Variants in EPHA7 observed in about 807,000 individuals in gnomAD.
EPHA7 encodes the protein EPH receptor A7.
EPHA7 carries 25 observed loss-of-function variants against 112.6 expected under a neutral mutation model. The observed-to-expected ratio is 0.22, with a 90% confidence interval of 0.16 to 0.31. The LOEUF is 0.31. Ranked by LOEUF, EPHA7 falls within the 10% of genes least tolerant of loss-of-function variation. The probability of loss-of-function intolerance (pLI) is 1.00; values close to 1 mark genes in which losing one functional copy is unlikely to be tolerated. For synonymous variants in EPHA7, 437 were observed against 406.5 expected (o/e 1.07, Z -0.90); for missense variants, 962 against 1,212.6 (o/e 0.79, Z 3.07).
chr6:93,418,308 C>T (rs1779346461), intron 1 of EPHA7, among the ~76,000 whole-genome samples: 1 of 152,164 alleles, frequency 6.6e-6, no homozygotes, highest in Non-Finnish European at 1.5e-5. Context: ...AGAAGGAAAA[C>T]ATAACCATAT....
rs373500625 is a variant in EPHA7, at chr6:93,417,073, G to C, written c.97+2172C>G. 3.0e-4 allele frequency among the ~76,000 whole-genome samples: 45 copies of C among 152,284 alleles called. No homozygotes were observed. In the East Asian group the frequency reaches 8.5e-3, roughly 29 times the overall value. ...GCATCTCCTCTGAGGAAGAGGCGGC[G>C]GCGGCGGCGGCATTTACGGAGAGAA... On this transcript the variant is annotated intron_variant, in intron 1 of 16. Coordinates refer to ENST00000369303, the MANE Select transcript of EPHA7 (RefSeq NM_004440.4).
At chr6:93,260,834 GAA>G in intron 9 of EPHA7, 1 of 721,270 alleles carries the variant, frequency 1.4e-6, no homozygotes, top group Non-Finnish European at 1.7e-6. Flanking sequence ...GATAGAAGGA[GAA>G]AAGAGAGAAG....
intron 3 of EPHA7, among the ~76,000 whole-genome samples, chr6:93,386,797 T>C (rs1236984901): frequency 2.0e-5 from 3 of 152,128 alleles, no homozygotes; most frequent in East Asian, 3.9e-4. Flanking sequence ...CACATGGAAG[T>C]TGCCAAGGCT....
At chr6:93,351,348 G>A (rs1775684561) in intron 5 of EPHA7, among the ~76,000 whole-genome samples, 1 of 151,848 alleles carries the variant, frequency 6.6e-6, no homozygotes, top group South Asian at 2.1e-4. Context: ...TCTCTCTGAT[G>A]GTGTTGATCC....
intron 5 of EPHA7, among the ~76,000 whole-genome samples, chr6:93,285,385 TC>T (rs1772011697): frequency 6.6e-6 from 1 of 152,196 alleles, no homozygotes; most frequent in African/African-American, 2.4e-5. Context: ...TAAGTTTGGC[TC>T]CAAAAGTTAA....
chr6:93,277,223 G>A (rs372716681), intron 5 of EPHA7, among the ~76,000 whole-genome samples: 17 of 151,912 alleles, frequency 1.1e-4, no homozygotes, highest in African/African-American at 4.1e-4. Context: ...ACAACTTTTA[G>A]CTTTCTCACT....
At position 93,241,992 on chromosome 6, in the gene EPHA7, T is replaced by C. The variant is rs1270939150; in HGVS notation, c.*1434A>G. The C allele has an allele frequency of 9.4e-6, 2 of 211,906 alleles. No homozygotes were observed. The highest frequency in any genetic ancestry group is 4.5e-5 in the African/African-American group (2 of 44,144). 13.1% of individuals were successfully genotyped at this position (211,906 alleles called of 1,614,324 possible). A position where few individuals can be genotyped will look rare whatever the true frequency, so the allele number is the denominator to read the frequency against. On this transcript the variant is annotated 3_prime_UTR_variant, in exon 17 of 17. Transcript: ENST00000369303. The stretch of plus-strand genomic sequence containing the variant: ...AATCATTATAAACAGCCCAATTCTC[T>C]TTGGAAGTACAACAGTTCAATTCTG...
chr6:93,322,716 T>G (rs143612782), intron 5 of EPHA7, among the ~76,000 whole-genome samples: 2 of 151,746 alleles, frequency 1.3e-5, no homozygotes, highest in East Asian at 3.9e-4. Flanking sequence ...TTTCATGAAC[T>G]CATTGTATCA....
At chr6:93,282,661 C>G (rs958736949) in intron 5 of EPHA7, among the ~76,000 whole-genome samples, 4 of 152,050 alleles carry the variant, frequency 2.6e-5, no homozygotes, top group Non-Finnish European at 5.9e-5. Context: ...GAGGGGCAGG[C>G]AGGAGCTGGG....
chr6:93,359,874 G>GAGAGAGAT (rs1462833873), intron 3 of EPHA7, among the ~76,000 whole-genome samples: 1,391 of 127,866 alleles, frequency 0.011, 6 homozygotes, highest in Non-Finnish European at 0.013. Context: ...GAGAGAGAGA[G>GAGAGAGAT]AGATAGATAG....
At chr6:93,318,253 T>C (rs1161655860) in intron 5 of EPHA7, among the ~76,000 whole-genome samples, 3 of 152,278 alleles carry the variant, frequency 2.0e-5, no homozygotes, top group Admixed American at 1.3e-4. Context: ...CCACAAATTC[T>C]AGCACAGTTT....
chr6:93,260,199 T>A (rs1770623883), intron 9 of EPHA7, among the ~76,000 whole-genome samples: 1 of 151,916 alleles, frequency 6.6e-6, no homozygotes, highest in South Asian at 2.1e-4. Context: ...ATGGTTTATA[T>A]GAACTTTCAA....
At chr6:93,245,715 AT>A (rs902269577) in intron 15 of EPHA7, among the ~76,000 whole-genome samples, 1 of 152,206 alleles carries the variant, frequency 6.6e-6, no homozygotes, top group Non-Finnish European at 1.5e-5. Flanking sequence ...AGCCAACAAT[AT>A]TTGGAATCAG....
chr6:93,374,213 C>T (rs553364034), intron 3 of EPHA7, among the ~76,000 whole-genome samples: 3 of 152,274 alleles, frequency 2.0e-5, no homozygotes, highest in South Asian at 2.1e-4. Context: ...TTCTAAAACA[C>T]GTCACCTCCT....
intron 15 of EPHA7, 63 bp downstream of exon 15, chr6:93,246,729 G>A (rs1769969661): frequency 4.3e-6 from 6 of 1,400,572 alleles, no homozygotes; most frequent in Non-Finnish European, 5.9e-6. Context: ...GGGTGGAGGA[G>A]ATAAATGGTT....
At chr6:93,264,844 T>A (rs557883304) in intron 7 of EPHA7, 142 bp from the exon 8 acceptor site, 1 of 427,542 alleles carries the variant, frequency 2.3e-6, no homozygotes, top group Admixed American at 4.3e-5. Context: ...TAAATTTAAA[T>A]AAATGTTTAT....
intron 5 of EPHA7, among the ~76,000 whole-genome samples, chr6:93,335,760 G>A (rs532435101): frequency 6.6e-6 from 1 of 152,018 alleles, no homozygotes; most frequent in South Asian, 2.1e-4. Context: ...ATTGTGGTAT[G>A]AGTAACAATA....
At chr6:93,361,840 T>A (rs1776276248) in intron 3 of EPHA7, among the ~76,000 whole-genome samples, 2 of 152,130 alleles carry the variant, frequency 1.3e-5, no homozygotes, top group South Asian at 4.1e-4. Context: ...TGATATAGCA[T>A]GTGCCCTTTG....
At chr6:93,330,364 C>T (rs1181775574) in intron 5 of EPHA7, among the ~76,000 whole-genome samples, 1 of 151,242 alleles carries the variant, frequency 6.6e-6, no homozygotes, top group Non-Finnish European at 1.5e-5. Flanking sequence ...CTATATCACA[C>T]TACAGTGTTA....
Sources: allele counts gnomAD v4.1 joint callset (sites outside exome capture counted in the v4.1 genomes callset), GRCh38; gene constraint gnomAD v4.1.1; transcripts MANE v1.5; gene names NCBI Gene and HGNC (gene_info 2026-07-23, HGNC 2026-07-21).